SPIDR: variants seen among roughly 807,000 people sequenced by gnomAD.
SPIDR encodes the protein DNA repair-scaffolding protein.
A neutral mutation model predicts 104.6 loss-of-function variants in SPIDR; 93 were observed. The observed-to-expected ratio is 0.89, with a 90% CI of 0.75 to 1.06. The LOEUF is 1.06. SPIDR is among the 50% of genes least tolerant of loss of function. The pLI, the probability that SPIDR is intolerant of heterozygous loss-of-function variation, is 0.00. For synonymous variants in SPIDR, 431 were observed against 416.9 expected, an observed-to-expected ratio of 1.03 and a Z score of -0.41; for missense variants, 1,154 against 1,111.2, an observed-to-expected ratio of 1.04 and a Z score of -0.55.
chr8:47,653,660 T>C, intron 10 of SPIDR, among the ~76,000 whole-genome samples: 1 of 152,210 alleles, frequency 6.6e-6, no homozygotes, highest in African/African-American at 2.4e-5. Context: ...CCAGGAGGGC[T>C]GAATAAATGC....
At position 47,596,072 on chromosome 8, in the gene SPIDR, T is replaced by G. The variant is rs915853589; in HGVS notation, c.1293+66T>G. 2.1e-6 allele frequency: 3 copies of G among 1,441,922 alleles called. No individual in the cohort carries two copies. In the African/African-American group the frequency reaches 4.3e-5, roughly 21 times the overall value. 89.3% of individuals were successfully genotyped at this position (1,441,922 alleles called of 1,614,324 possible). On this transcript the variant is annotated intron_variant, in intron 9 of 19. Transcript: ENST00000297423. ...TGTTAGTGACTGGATTTGGAAGGGCTTCAGTGTAAGTGAAGATGTTAGCCT... is the reference window on the plus strand; with the variant it reads ...TGTTAGTGACTGGATTTGGAAGGGCGTCAGTGTAAGTGAAGATGTTAGCCT...
rs1225834265 is a variant in SPIDR at position 47,702,052 on chromosome 8, TTC to T, written c.1977+81_1977+82del. On this transcript the variant is annotated intron_variant, in intron 14 of 19. Coordinates refer to ENST00000297423, the MANE Select transcript of SPIDR (RefSeq NM_001080394.4). ...TCTCAATCTCTCAATCTCTCAGCCT[TTC>T]TCTCTCTCTCTCTCTCTCTCTCTCT... 370 of 1,178,164 alleles carry T rather than the reference TTC, an allele frequency of 3.1e-4. 1 individual carries two copies. The African/African-American group carries it at 0.011, about 34-fold the overall frequency. 73.0% of individuals were successfully genotyped at this position (1,178,164 alleles called of 1,614,324 possible).
Position 47,713,479 on chromosome 8 carries a change from C to CT in SPIDR, c.2189-9dup. ...AAGGCTTCAATAACCTGAAGTGTCTCTGTCGGCAGGTCGGATTGTTTGTGC... is the reference window on the plus strand; with the variant it reads ...AAGGCTTCAATAACCTGAAGTGTCTCTTGTCGGCAGGTCGGATTGTTTGTGC... On this transcript the variant is annotated splice_polypyrimidine_tract_variant and intron_variant, in intron 15 of 19. Transcript: ENST00000297423. 1 of 1,614,122 alleles carries CT rather than the reference C, an allele frequency of 6.2e-7. No homozygotes were observed. The highest frequency in any genetic ancestry group is 1.3e-5 in the African/African-American group (1 of 75,044).
chr8:47,689,972 A>T (rs535976353), intron 11 of SPIDR, among the ~76,000 whole-genome samples: 1 of 152,278 alleles, frequency 6.6e-6, no homozygotes, highest in South Asian at 2.1e-4. Flanking sequence ...AGGCTACTTG[A>T]TGTGTGAATT....
At chr8:47,614,716 G>A (rs1030137048) in intron 10 of SPIDR, among the ~76,000 whole-genome samples, 2 of 152,180 alleles carry the variant, frequency 1.3e-5, no homozygotes, top group Non-Finnish European at 2.9e-5. Context: ...TGTATACCCA[G>A]TAATGAGATT....
At chr8:47,656,337 T>C (rs953996816) in intron 10 of SPIDR, among the ~76,000 whole-genome samples, 3 of 152,070 alleles carry the variant, frequency 2.0e-5, no homozygotes, top group African/African-American at 7.2e-5. Context: ...GATACCCAAA[T>C]AAAAGATGGT....
chr8:47,573,185 G>T (rs774654628), intron 8 of SPIDR, among the ~76,000 whole-genome samples: 28 of 152,232 alleles, frequency 1.8e-4, no homozygotes, highest in Non-Finnish European at 3.5e-4. Flanking sequence ...TCCACTTGGT[G>T]TTTGTCCTGA....
chr8:47,355,162 G>A (rs1219980689), intron 5 of SPIDR, among the ~76,000 whole-genome samples: 2 of 151,108 alleles, frequency 1.3e-5, no homozygotes, highest in African/African-American at 2.4e-5. Flanking sequence ...CAGCACATTG[G>A]CCAGCTGGTC....
chr8:47,632,964 C>T (rs2067297784), intron 10 of SPIDR, among the ~76,000 whole-genome samples: 1 of 152,206 alleles, frequency 6.6e-6, no homozygotes, highest in Non-Finnish European at 1.5e-5. Flanking sequence ...TCTGCACCTT[C>T]AAGCCAACAA....
chr8:47,430,893 A>G (rs1436586364), intron 7 of SPIDR, among the ~76,000 whole-genome samples: 1 of 152,230 alleles, frequency 6.6e-6, no homozygotes, highest in African/African-American at 2.4e-5. Flanking sequence ...GGTGTTTTAA[A>G]TGAAGAAGTT....
At chr8:47,525,480 G>C (rs574360436) in intron 8 of SPIDR, among the ~76,000 whole-genome samples, 1 of 152,226 alleles carries the variant, frequency 6.6e-6, no homozygotes, top group African/African-American at 2.4e-5. Flanking sequence ...TCTTTCCAAA[G>C]TTTTCTGTAT....
At chr8:47,670,580 T>C (rs1369819882) in intron 10 of SPIDR, among the ~76,000 whole-genome samples, 1 of 152,218 alleles carries the variant, frequency 6.6e-6, no homozygotes, top group Non-Finnish European at 1.5e-5. Flanking sequence ...TTTTTTCCTC[T>C]AGTGATTAGG....
At chr8:47,324,947 G>C (rs1215734641) in intron 5 of SPIDR, among the ~76,000 whole-genome samples, 1 of 152,106 alleles carries the variant, frequency 6.6e-6, no homozygotes, top group Non-Finnish European at 1.5e-5. Flanking sequence ...AGGTGGCTGT[G>C]TCTTGACATG....
chr8:47,324,294 G>A (rs1554598908), intron 5 of SPIDR, among the ~76,000 whole-genome samples: 1 of 152,102 alleles, frequency 6.6e-6, no homozygotes, highest in Non-Finnish European at 1.5e-5. Flanking sequence ...TAGCCATTTT[G>A]CTGAATGGCC....
At chr8:47,299,779 C>G (rs1410597562) in intron 5 of SPIDR, among the ~76,000 whole-genome samples, 2 of 152,150 alleles carry the variant, frequency 1.3e-5, no homozygotes, top group African/African-American at 4.8e-5. Context: ...GTTGAACCAG[C>G]CTTGCATCCC....
Position 47,389,022 on chromosome 8 carries a change from T to G in SPIDR, c.526-7354T>G, listed in dbSNP as rs556292140. Reference sequence around the variant, plus strand: ...ATATTTACTCACTAAATCAGAAGACTCCTCCTCCCAAACTTGCTTACATCA... The same window carrying G: ...ATATTTACTCACTAAATCAGAAGACGCCTCCTCCCAAACTTGCTTACATCA... On this transcript the variant is annotated intron_variant, in intron 5 of 19. Coordinates refer to ENST00000297423, the MANE Select transcript of SPIDR (RefSeq NM_001080394.4). Among the ~76,000 whole-genome samples, 10 of 152,286 alleles carry G rather than the reference T, an allele frequency of 6.6e-5. No homozygotes were observed. The East Asian group carries it at 1.5e-3, about 24-fold the overall frequency.
chr8:47,684,264 C>T (rs898438779), intron 11 of SPIDR, among the ~76,000 whole-genome samples: 23 of 151,996 alleles, frequency 1.5e-4, no homozygotes, highest in African/African-American at 5.6e-4. Context: ...CTTCCTCCCT[C>T]ACTCCACTAC....
At chr8:47,441,371 T>G (rs574072824) in intron 8 of SPIDR, among the ~76,000 whole-genome samples, 1 of 152,230 alleles carries the variant, frequency 6.6e-6, no homozygotes, top group Admixed American at 6.5e-5. Context: ...CATATTTCTC[T>G]TATATAAAAT....
intron 16 of SPIDR, among the ~76,000 whole-genome samples, chr8:47,721,047 C>T (rs572595401): frequency 2.0e-5 from 3 of 152,284 alleles, no homozygotes; most frequent in African/African-American, 7.2e-5. Context: ...CATGAGCCAC[C>T]GCTTCTGGCC....
Sources: gnomAD v4.1 joint callset for allele counts (sites outside exome capture counted in the v4.1 genomes callset) on GRCh38, gnomAD v4.1.1 for gene constraint, MANE v1.5 for transcripts, NCBI Gene and HGNC (gene_info 2026-07-23, HGNC 2026-07-21) for gene names.